Variants in PRKCE observed in about 807,000 individuals in gnomAD.
PRKCE encodes the protein protein kinase C epsilon.
PRKCE carries 16 observed loss-of-function variants against 85.4 expected under a neutral mutation model. The observed-to-expected ratio is 0.19, with a 90% CI of 0.13 to 0.28. The LOEUF is 0.28. Among genes scored for constraint, PRKCE ranks in the 10% least tolerant of loss-of-function variants. The pLI, the probability that PRKCE is intolerant of heterozygous loss-of-function variation, is 1.00. For missense variants in PRKCE, 573 were observed against 975.2 expected (o/e 0.59, Z 5.49); for synonymous variants, 388 against 371.5 (o/e 1.04, Z -0.51).
chr2:45,835,631 C>G (rs1183375676), intron 1 of PRKCE, among the ~76,000 whole-genome samples: 1 of 150,190 alleles, frequency 6.7e-6, no homozygotes, highest in Non-Finnish European at 1.5e-5. Context: ...CAGGATCTCA[C>G]CTAGGCTGGA....
At chr2:46,107,116 T>C (rs746139667) in intron 11 of PRKCE, among the ~76,000 whole-genome samples, 2 of 152,208 alleles carry the variant, frequency 1.3e-5, no homozygotes, top group Non-Finnish European at 2.9e-5. Flanking sequence ...CATAGTTACA[T>C]TGGCTGAAAA....
chr2:45,969,083 G>C (rs1701933042), intron 2 of PRKCE, among the ~76,000 whole-genome samples: 1 of 102,686 alleles, frequency 9.7e-6, no homozygotes, highest in Non-Finnish European at 2.2e-5. Context: ...GGAGTTTGAA[G>C]TTCATAGCCT....
intron 1 of PRKCE, among the ~76,000 whole-genome samples, chr2:45,693,255 G>A (rs2104099028): frequency 6.6e-6 from 1 of 152,292 alleles, no homozygotes; most frequent in South Asian, 2.1e-4. Context: ...CAGGCAGAGA[G>A]TAAACTTGAA....
chr2:45,951,253 C>T (rs1047533801), intron 2 of PRKCE, among the ~76,000 whole-genome samples: 1 of 152,092 alleles, frequency 6.6e-6, no homozygotes, highest in African/African-American at 2.4e-5. Flanking sequence ...GGTAAGTAGC[C>T]CAGATTGGGA....
chr2:45,921,543 C>G (rs1035692723), intron 2 of PRKCE, among the ~76,000 whole-genome samples: 1 of 152,198 alleles, frequency 6.6e-6, no homozygotes, highest in Non-Finnish European at 1.5e-5. Flanking sequence ...TTAGAAAGCT[C>G]AGTTACAGAG....
chr2:45,806,222 A>G (rs1048488511), intron 1 of PRKCE, among the ~76,000 whole-genome samples: 1 of 152,192 alleles, frequency 6.6e-6, no homozygotes, highest in African/African-American at 2.4e-5. Flanking sequence ...CCTGGCTGGC[A>G]CGTGAACCAA....
chr2:45,988,607 C>T (rs1011658747), intron 6 of PRKCE, among the ~76,000 whole-genome samples: 6 of 152,156 alleles, frequency 3.9e-5, no homozygotes, highest in African/African-American at 1.2e-4. Context: ...GATCCTTAAC[C>T]GAGGGCAGAA....
chr2:45,847,400 C>T (rs1691880643), intron 2 of PRKCE, among the ~76,000 whole-genome samples: 1 of 152,188 alleles, frequency 6.6e-6, no homozygotes, highest in African/African-American at 2.4e-5. Context: ...CAATCAAATC[C>T]CTTAACCTTT....
At chr2:45,909,105 G>A (rs1249245689) in intron 2 of PRKCE, among the ~76,000 whole-genome samples, 1 of 152,126 alleles carries the variant, frequency 6.6e-6, no homozygotes, top group Non-Finnish European at 1.5e-5. Context: ...CTAAAATAAC[G>A]TCATTAGTCA....
chr2:45,794,024 T>A (rs979566314), intron 1 of PRKCE, among the ~76,000 whole-genome samples: 1 of 152,208 alleles, frequency 6.6e-6, no homozygotes, highest in Non-Finnish European at 1.5e-5. Flanking sequence ...ATGATTCGGA[T>A]TAGCCCTAAA....
intron 1 of PRKCE, among the ~76,000 whole-genome samples, chr2:45,823,915 AG>A (rs1332512978): frequency 5.3e-5 from 8 of 152,240 alleles, no homozygotes; most frequent in African/African-American, 1.9e-4. Flanking sequence ...GGGAGGAGCA[AG>A]GATATGGCGT....
rs979466772 is a variant in PRKCE at position 46,138,305 on chromosome 2, A to T, written c.1593-6788A>T. Among the ~76,000 whole-genome samples, 6 of 152,110 alleles carry T rather than the reference A, an allele frequency of 3.9e-5. No homozygotes were observed. The highest frequency in any genetic ancestry group is 8.8e-5 in the Non-Finnish European group (6 of 68,032). On this transcript the variant is annotated intron_variant, in intron 11 of 14. Transcript: ENST00000306156. The surrounding 1 kb of genome is among the most constrained non-coding windows in gnomAD (Gnocchi z 4.2). ...ATTTTAGTCCAAGCATCAAATAGAG[A>T]TTTCCAACTCATACGTCTGTCATTT...
chr2:46,033,198 A>G (rs1707647467), intron 10 of PRKCE, among the ~76,000 whole-genome samples: 1 of 152,232 alleles, frequency 6.6e-6, no homozygotes, highest in African/African-American at 2.4e-5. Context: ...GGACTTAGTC[A>G]TATCATTTTC....
chr2:45,675,015 C>T (rs1486270413), intron 1 of PRKCE: 1 of 152,088 alleles, frequency 6.6e-6, no homozygotes, highest in Non-Finnish European at 1.5e-5. Flanking sequence ...CTTGGGTGAT[C>T]CATATGCCTA....
At chr2:45,713,523 C>T (rs966184748) in intron 1 of PRKCE, among the ~76,000 whole-genome samples, 5 of 151,792 alleles carry the variant, frequency 3.3e-5, no homozygotes, top group Admixed American at 1.3e-4. Context: ...TATGAACATC[C>T]GGACCAACAA....
intron 10 of PRKCE, among the ~76,000 whole-genome samples, chr2:46,070,772 T>G (rs1259307468): frequency 1.1e-4 from 16 of 152,254 alleles, no homozygotes; most frequent in Non-Finnish European, 8.8e-5. Flanking sequence ...AAATTCTGGC[T>G]GTGCTACTTA....
intron 10 of PRKCE, among the ~76,000 whole-genome samples, chr2:46,074,395 TAAGC>T (rs1478868053): frequency 9.1e-5 from 6 of 65,998 alleles, no homozygotes; most frequent in Admixed American, 2.0e-4. Flanking sequence ...TAAGTAGAAT[TAAGC>T]AAGCAAACAA....
chr2:45,704,632 A>G (rs1678954722), intron 1 of PRKCE, among the ~76,000 whole-genome samples: 1 of 152,156 alleles, frequency 6.6e-6, no homozygotes, highest in African/African-American at 2.4e-5. Context: ...CTGAAAAGTG[A>G]GCATCGCCAC....
intron 2 of PRKCE, among the ~76,000 whole-genome samples, chr2:45,918,310 G>C (rs1226722007): frequency 6.6e-6 from 1 of 152,232 alleles, no homozygotes; most frequent in Non-Finnish European, 1.5e-5. Context: ...CAGCAAGGGT[G>C]GGGACTGTGT....
Sources: allele counts gnomAD v4.1 joint callset (sites outside exome capture counted in the v4.1 genomes callset), GRCh38; gene constraint gnomAD v4.1.1; non-coding constraint Gnocchi (gnomAD v3.1); transcripts MANE v1.5; gene names NCBI Gene and HGNC (gene_info 2026-07-23, HGNC 2026-07-21).